Variants in PIEZO1 observed in about 807,000 individuals in gnomAD.
PIEZO1 encodes the protein piezo-type mechanosensitive ion channel component 1.
Under a neutral mutation model 297.2 loss-of-function variants are expected in PIEZO1, and 296 were observed. The observed-to-expected ratio is 1.00, with a 90% CI of 0.91 to 1.10. The LOEUF (loss-of-function observed/expected upper bound fraction) is 1.10. Among genes scored for constraint, PIEZO1 ranks in the 50% least tolerant of loss-of-function variants. The pLI is 0.00. For synonymous variants in PIEZO1, 2,427 were observed against 1,507.5 expected (o/e 1.61, Z -14.13); for missense variants, 5,018 against 3,455.5 (o/e 1.45, Z -11.34).
intron 1 of PIEZO1, among the ~76,000 whole-genome samples, chr16:88,752,074 C>T (rs565860042): frequency 4.6e-5 from 7 of 152,282 alleles, no homozygotes; most frequent in East Asian, 3.9e-4. Context: ...TGGTGCCGTG[C>T]GTGCAGTTTC....
In PIEZO1 at chr16:88,721,939, T is replaced by A. The variant is rs1477682131; in HGVS notation, c.5083A>T (p.Ile1695Phe). The A allele has an allele frequency of 6.5e-7, 1 of 1,550,028 alleles. No homozygotes were observed. The highest frequency in any genetic ancestry group is 8.7e-7 in the Non-Finnish European group (1 of 1,146,836). The part of the protein sequence containing the change: ...AHSELLCYFI[I>F]ILNHMVTASA... ...GCCGTGACCATGTGGTTGAGGATGATGATGAAGTAGCAGAGCAGCTCCGAG... is the reference window on the plus strand; with the variant it reads ...GCCGTGACCATGTGGTTGAGGATGAAGATGAAGTAGCAGAGCAGCTCCGAG... Residue 1695 changes from isoleucine (I) to phenylalanine (F), a missense_variant, in exon 37 of 51, where the codon ATC becomes TTC. Transcript: ENST00000301015.
In PIEZO1 at chr16:88,720,451, A is replaced by G. The variant is rs115213894; in HGVS notation, c.5883T>C (p.Tyr1961=). 3.3e-4 allele frequency: 506 copies of G among 1,550,512 alleles called. 1 individual carries two copies. In the African/African-American group the frequency reaches 6.2e-3, roughly 19 times the overall value. ...HTKYRAATDV[Y]ALMFLADVVD... ...CAACATCAGCCAGGAACATGAGGGC[A>G]TAGACGTCGGTGGCTGCGCGGTACT... The change falls in exon 41 of 51, where the codon TAT becomes TAC. Residue 1961 remains tyrosine (Y), a synonymous_variant. Transcript: ENST00000301015.
rs10048137 is a variant in PIEZO1 at position 88,757,922 on chromosome 16, A to C, written c.65-8443T>G. Among the ~76,000 whole-genome samples the C allele has an allele frequency of 6.5e-3, 982 of 152,228 alleles. 13 individuals carry two copies. Among genetic ancestry groups the C allele is most frequent in the African/African-American group, 0.023 (952 of 41,522 alleles). On this transcript the variant is annotated intron_variant, in intron 1 of 50. Transcript: ENST00000301015. ...GTCTGGGCCAGTTATCACAGATTTC[A>C]CAGACTCCAGCCAGCCTCAGAAGGT...
intron 1 of PIEZO1, among the ~76,000 whole-genome samples, chr16:88,761,015 C>G (rs1035338096): frequency 6.6e-6 from 1 of 152,160 alleles, no homozygotes; most frequent in Non-Finnish European, 1.5e-5. Flanking sequence ...GACCTGCTGG[C>G]GTGGAGAGTC....
At chr16:88,761,897 G>A (rs1661731394) in intron 1 of PIEZO1, among the ~76,000 whole-genome samples, 1 of 152,220 alleles carries the variant, frequency 6.6e-6, no homozygotes, top group Admixed American at 6.5e-5. Flanking sequence ...AACAGAGAAG[G>A]GGACAGATTC....
chr16:88,766,704 A>AG (rs1038064563), intron 1 of PIEZO1, among the ~76,000 whole-genome samples: 5 of 152,342 alleles, frequency 3.3e-5, no homozygotes, highest in South Asian at 2.1e-4. Flanking sequence ...GAAGCAACCA[A>AG]GGGAAAAAAA....
At chr16:88,724,124 G>A (rs540731350) in intron 30 of PIEZO1, among the ~76,000 whole-genome samples, 153 bp from the exon 31 acceptor site, 5 of 152,384 alleles carry the variant, frequency 3.3e-5, no homozygotes, top group African/African-American at 1.2e-4. Context: ...AGCGCGGTGG[G>A]ACAAGACAGA....
Position 88,732,437 on chromosome 16 carries a change from G to A in PIEZO1, c.2889C>T (p.Ala963=). The part of the protein sequence containing the change: ...RRQHQLAPLP[A]QAVFASGTRQ... ...GGGTGCCGCTGGCAAACACGGCCTG[G>A]GCAGGCAGCGGGGCCAGCTGGTGCT... is the stretch of plus-strand genomic sequence containing the variant. The change falls in exon 21 of 51, where the codon GCC becomes GCT. Residue 963 remains alanine, a synonymous_variant. Transcript: ENST00000301015. 6.5e-7 allele frequency: 1 copy of A among 1,549,678 alleles called. No homozygotes were observed. The highest frequency in any genetic ancestry group is 2.0e-5 in the Admixed American group (1 of 50,968).
intron 5 of PIEZO1, chr16:88,741,249 G>A (rs1198658159): frequency 2.0e-6 from 1 of 493,624 alleles, no homozygotes; most frequent in Non-Finnish European, 3.6e-6. Context: ...CCATGTCGGG[G>A]CGTGGAGGTT....
chr16:88,738,615 A>G lies in PIEZO1; in HGVS notation c.587T>C (p.Leu196Pro). 1 of 1,535,622 alleles carries G rather than the reference A, an allele frequency of 6.5e-7. No homozygotes were observed. Among genetic ancestry groups the G allele is most frequent in the South Asian group, 1.2e-5 (1 of 84,040 alleles). ...GGCCAGGACCCGCCCAGCCGCCACCAGCAGCCAGTGGGCCGTGACTCGGAA... is the reference window on the plus strand; with the variant it reads ...GGCCAGGACCCGCCCAGCCGCCACCGGCAGCCAGTGGGCCGTGACTCGGAA... ...ARFRVTAHWLLVAAGRVLAVT... is the reference protein window; with the variant it reads ...ARFRVTAHWLPVAAGRVLAVT... The change falls in exon 6 of 51, where the codon CTG (leucine) becomes CCG (proline). Residue 196 changes from leucine (L) to proline (P), a missense_variant. Physicochemically the swap from Leu to Pro is moderately conservative, Grantham distance 98 (BLOSUM62 -3). Transcript: ENST00000301015.
At chr16:88,721,484 A>G in intron 38 of PIEZO1, 54 bp from the exon 39 acceptor site, 7 of 1,538,142 alleles carry the variant, frequency 4.6e-6, no homozygotes, top group Admixed American at 2.0e-5. Flanking sequence ...TGGAGAGCAC[A>G]GGTGCCCAGA....
In PIEZO1 at chr16:88,742,052, C is replaced by T; in HGVS notation, c.326+1G>A. 6.5e-7 allele frequency: 1 copy of T among 1,536,098 alleles called. No individual in the cohort carries two copies. Among genetic ancestry groups the T allele is most frequent in the Non-Finnish European group, 8.7e-7 (1 of 1,146,752 alleles). Reference sequence around the variant, plus strand: ...GTTGGGGGTGGGAGGAATGGTCTTACCTTGTGACCCCTATGTGTCGCGAGA... The same window carrying T: ...GTTGGGGGTGGGAGGAATGGTCTTATCTTGTGACCCCTATGTGTCGCGAGA... On this transcript the variant is annotated splice_donor_variant, in intron 4 of 50. Coordinates refer to ENST00000301015, the MANE Select transcript of PIEZO1 (RefSeq NM_001142864.4). LOFTEE classifies it high-confidence loss of function.
At position 88,731,808 on chromosome 16, in the gene PIEZO1, G is replaced by C. The variant is rs1189364865; in HGVS notation, c.3094C>G (p.Gln1032Glu). 3.2e-6 allele frequency: 5 copies of C among 1,543,194 alleles called. No individual in the cohort carries two copies. The South Asian group carries it at 4.8e-5, about 15-fold the overall frequency. ...LVAILTRRHRQAIARLWPNYC... is the reference protein window; with the variant it reads ...LVAILTRRHREAIARLWPNYC... ...TTGGGCCAGAGGCGGGCAATGGCCT[G>C]GCGGTGCCTGCGGGTGAGGATGGCC... The change falls in exon 22 of 51, where the codon CAG becomes GAG. Residue 1032 changes from glutamine to glutamate, a missense_variant. Transcript: ENST00000301015.
intron 1 of PIEZO1, among the ~76,000 whole-genome samples, chr16:88,775,772 A>C (rs961680275): frequency 3.3e-5 from 5 of 151,666 alleles, no homozygotes; most frequent in Admixed American, 2.6e-4. Context: ...GGCGAAGGGC[A>C]GGACAGGAGT....
chr16:88,776,756 T>A (rs1271065476), intron 1 of PIEZO1, among the ~76,000 whole-genome samples: 4 of 152,140 alleles, frequency 2.6e-5, no homozygotes, highest in African/African-American at 9.7e-5. Context: ...GGACCCTGGC[T>A]CGGGGCGGGC....
In PIEZO1 at chr16:88,754,653, T is replaced by C. The variant is rs534993578; in HGVS notation, c.65-5174A>G. 7.2e-5 allele frequency among the ~76,000 whole-genome samples: 11 copies of C among 152,300 alleles called. No individual in the cohort carries two copies. In the South Asian group the frequency reaches 2.3e-3, roughly 32 times the overall value. Reference sequence around the variant, plus strand: ...TTTCACAACCTGGACACCTCATACATGCTCCCTCCAGGAGCCACACAGAGA... The same window carrying C: ...TTTCACAACCTGGACACCTCATACACGCTCCCTCCAGGAGCCACACAGAGA... On this transcript the variant is annotated intron_variant, in intron 1 of 50. Coordinates refer to ENST00000301015, the MANE Select transcript of PIEZO1 (RefSeq NM_001142864.4).
Position 88,716,412 on chromosome 16 carries a change from G to A in PIEZO1, c.6998C>T (p.Thr2333Ile). Residue 2333 changes from threonine to isoleucine, a missense_variant, in exon 48 of 51, where the codon ACT (threonine) becomes ATT (isoleucine). Transcript: ENST00000301015. ...CAGGCTGGCCAGCTGCCGCCGTGCAGTGCTGTTGGGGGCCAGGGCCAGCAT... is the reference window on the plus strand; with the variant it reads ...CAGGCTGGCCAGCTGCCGCCGTGCAATGCTGTTGGGGGCCAGGGCCAGCAT... Reference protein sequence around the residue: ...KHMLALAPNSTARRQLASLLE... With the variant: ...KHMLALAPNSIARRQLASLLE... The A allele has an allele frequency of 3.2e-6, 5 of 1,549,678 alleles. No individual in the cohort carries two copies. Among genetic ancestry groups the A allele is most frequent in the Non-Finnish European group, 4.4e-6 (5 of 1,146,642 alleles).
chr16:88,717,153 C>G lies in PIEZO1; in HGVS notation c.6530G>C (p.Gly2177Ala). ...KKKIVKYGMGGLIILFLIAII... is the reference protein window; with the variant it reads ...KKKIVKYGMGALIILFLIAII... ...GGCGATGAGGAAGAGGATGATGAGG[C>G]CACCCATGCCGTACTTGACGATCTT... is the stretch of plus-strand genomic sequence containing the variant. The change falls in exon 45 of 51, where the codon GGC becomes GCC. Residue 2177 changes from glycine (G) to alanine (A), a missense_variant. Gly to Ala is a moderately conservative substitution (Grantham distance 60). Coordinates refer to ENST00000301015, the MANE Select transcript of PIEZO1 (RefSeq NM_001142864.4). 6.4e-7 allele frequency: 1 copy of G among 1,551,144 alleles called. No homozygotes were observed. The highest frequency in any genetic ancestry group is 8.7e-7 in the Non-Finnish European group (1 of 1,147,186).
chr16:88,784,939 AC>A lies in PIEZO1; in HGVS notation c.25del (p.Val9SerfsTer97). 7.1e-7 allele frequency: 1 copy of A among 1,399,982 alleles called. No homozygotes were observed. The highest frequency in any genetic ancestry group is 1.4e-5 in the South Asian group (1 of 71,356). The allele number at this position is 1,399,982 out of a possible 1,614,324, so 86.7% of individuals were successfully genotyped here. A position where few individuals can be genotyped will look rare whatever the true frequency, so the allele number is the denominator to read the frequency against. Reference protein sequence around the residue: MEPHVLGAVLYWLLLPCAL... With the variant: MEPHVLGAXLYWLLLPCAL... ...GCAGGGCAGCAGCAGCCAGTACAGG[AC>A]CGCGCCGAGCACGTGCGGCTCCATG... On this transcript the variant is annotated frameshift_variant, in exon 1 of 51. Coordinates refer to ENST00000301015, the MANE Select transcript of PIEZO1 (RefSeq NM_001142864.4). LOFTEE classifies it high-confidence loss of function.
Sources: allele counts gnomAD v4.1 joint callset (sites outside exome capture counted in the v4.1 genomes callset), GRCh38; gene constraint gnomAD v4.1.1; transcripts MANE v1.5; gene names NCBI Gene and HGNC (gene_info 2026-07-23, HGNC 2026-07-21).